PICALM: variants seen among roughly 807,000 people sequenced by gnomAD.
PICALM encodes the protein phosphatidylinositol-binding clathrin assembly protein.
PICALM carries 40 observed loss-of-function variants against 80.5 expected under a neutral mutation model. The ratio of observed to expected loss-of-function variants is 0.50; its 90% CI spans 0.39 to 0.65. The LOEUF is 0.65. PICALM is among the 30% of genes least tolerant of loss of function. The pLI is 0.00. For synonymous variants in PICALM, 288 were observed against 260.3 expected (o/e 1.11, Z -1.02); for missense variants, 676 against 778.9 (o/e 0.87, Z 1.57).
intron 2 of PICALM, among the ~76,000 whole-genome samples, chr11:86,027,804 A>G (rs548876086): frequency 6.6e-6 from 1 of 152,320 alleles, no homozygotes; most frequent in African/African-American, 2.4e-5. Context: ...TATAGGTATG[A>G]GAAACTGCGC....
chr11:86,056,897 T>C (rs2096278069), intron 1 of PICALM, among the ~76,000 whole-genome samples: 1 of 152,156 alleles, frequency 6.6e-6, no homozygotes, highest in Non-Finnish European at 1.5e-5. Flanking sequence ...ACATTATAAC[T>C]GAAAGAAGCC....
chr11:85,982,280 GA>G (rs1266480949), intron 14 of PICALM: 1 of 268,830 alleles, frequency 3.7e-6, no homozygotes, highest in Non-Finnish European at 7.2e-6. Context: ...TTATAAAAGA[GA>G]AAAAAAACAA....
chr11:85,962,820 A>G (rs1171875678), intron 19 of PICALM, among the ~76,000 whole-genome samples: 2 of 152,238 alleles, frequency 1.3e-5, no homozygotes, highest in Non-Finnish European at 2.9e-5. Context: ...AGGGCTAGCT[A>G]GGCTGACTGC....
chr11:85,979,948 G>C (rs1384372547), intron 17 of PICALM, among the ~76,000 whole-genome samples: 1 of 152,044 alleles, frequency 6.6e-6, no homozygotes, highest in African/African-American at 2.4e-5. Flanking sequence ...AGCTATTCTG[G>C]GTCTACCATA....
intron 2 of PICALM, among the ~76,000 whole-genome samples, chr11:86,031,096 C>T (rs1254477213): frequency 6.6e-6 from 1 of 152,100 alleles, no homozygotes; most frequent in Non-Finnish European, 1.5e-5. Context: ...TCAGCCTGGG[C>T]AACAAAGCAA....
chr11:85,964,431 G>A (rs1006540460), intron 19 of PICALM, among the ~76,000 whole-genome samples: 1 of 152,186 alleles, frequency 6.6e-6, no homozygotes, highest in African/African-American at 2.4e-5. Flanking sequence ...AGATGGAACT[G>A]AATCTAATCC....
At chr11:86,000,817 C>A in intron 10 of PICALM, 38 bp from the exon 11 acceptor site, 1 of 1,593,732 alleles carries the variant, frequency 6.3e-7, no homozygotes, top group Non-Finnish European at 8.5e-7. Flanking sequence ...ATTCCAGAAA[C>A]CAGATTTCTT....
intron 5 of PICALM, 148 bp downstream of exon 5, chr11:86,014,722 G>C (rs1038674951): frequency 2.1e-6 from 1 of 467,936 alleles, no homozygotes; most frequent in African/African-American, 2.0e-5. Context: ...AAAGTAATTT[G>C]ACTTGAGACT....
Position 86,012,402 on chromosome 11 carries a change from A to C in PICALM, c.547-10T>G. On this transcript the variant is annotated splice_polypyrimidine_tract_variant and intron_variant, in intron 5 of 19. Transcript: ENST00000393346. ...GTTCATTGCTATTAACCTAGGGAAA[A>C]ATTGGAAAATAAAATTAGCTAATCT... is the stretch of plus-strand genomic sequence containing the variant. 1.3e-6 allele frequency: 2 copies of C among 1,486,620 alleles called. No homozygotes were observed. The highest frequency in any genetic ancestry group is 1.9e-6 in the Non-Finnish European group (2 of 1,069,020). The allele number at this position is 1,486,620 out of a possible 1,614,324, so 92.1% of individuals were successfully genotyped here. A position where few individuals can be genotyped will look rare whatever the true frequency, so the allele number is the denominator to read the frequency against.
chr11:85,974,649 T>C (rs751036213), intron 19 of PICALM, 59 bp downstream of exon 19: 4 of 1,092,024 alleles, frequency 3.7e-6, no homozygotes, highest in Non-Finnish European at 5.7e-6. Context: ...AAGGGTTTTA[T>C]AGTATCATAT....
At chr11:86,050,684 T>C (rs1302499197) in intron 1 of PICALM, among the ~76,000 whole-genome samples, 1 of 152,210 alleles carries the variant, frequency 6.6e-6, no homozygotes. Context: ...TTTAAGATTA[T>C]GTCACTGTGG....
At chr11:85,966,971 TTC>T (rs1430202167) in intron 19 of PICALM, among the ~76,000 whole-genome samples, 2 of 152,212 alleles carry the variant, frequency 1.3e-5, no homozygotes, top group Admixed American at 6.5e-5. Context: ...CTGTTTTAAT[TTC>T]TGTTTTTAAG....
At chr11:86,040,235 C>T (rs1400840682) in intron 1 of PICALM, among the ~76,000 whole-genome samples, 1 of 151,924 alleles carries the variant, frequency 6.6e-6, no homozygotes, top group Non-Finnish European at 1.5e-5. Flanking sequence ...CAAAAAAACA[C>T]AAAATATCCA....
chr11:86,025,138 A>G (rs2095629333), intron 3 of PICALM, among the ~76,000 whole-genome samples: 1 of 152,202 alleles, frequency 6.6e-6, no homozygotes, highest in African/African-American at 2.4e-5. Context: ...GTGGTGGCTC[A>G]CGCCTGTAAT....
At chr11:86,003,666 G>A (rs1271091170) in intron 8 of PICALM, 4 of 363,606 alleles carry the variant, frequency 1.1e-5, no homozygotes, top group African/African-American at 6.3e-5. Context: ...TATCAAAAAC[G>A]TTAAGAACTG....
At chr11:86,068,611 C>T (rs1565633634) in intron 1 of PICALM, 40 bp downstream of exon 1, 1 of 1,583,364 alleles carries the variant, frequency 6.3e-7, no homozygotes, top group Non-Finnish European at 8.6e-7. Context: ...GCGGGTCGCG[C>T]GGGCGCCGGG....
rs557879455 is a variant in PICALM, at chr11:85,994,470, T to A, written c.1258+2356A>T. On this transcript the variant is annotated intron_variant, in intron 12 of 19. Coordinates refer to ENST00000393346, the MANE Select transcript of PICALM (RefSeq NM_007166.4). ...TCTATGACTAGGAATGCGCATCATTTCTGTGGTGTTTAAAAGAACTAAATT... is the reference window on the plus strand; with the variant it reads ...TCTATGACTAGGAATGCGCATCATTACTGTGGTGTTTAAAAGAACTAAATT... Among the ~76,000 whole-genome samples the A allele has an allele frequency of 2.6e-5, 4 of 152,344 alleles. No individual in the cohort carries two copies. The East Asian group carries it at 7.7e-4, about 29-fold the overall frequency.
chr11:86,048,178 G>A (rs1247630191), intron 1 of PICALM, among the ~76,000 whole-genome samples: 1 of 152,188 alleles, frequency 6.6e-6, no homozygotes, highest in African/African-American at 2.4e-5. Flanking sequence ...CAGTCAAGGA[G>A]TATCTTAGTA....
chr11:85,985,330 A>G (rs1190217432), intron 13 of PICALM, among the ~76,000 whole-genome samples: 1 of 152,164 alleles, frequency 6.6e-6, no homozygotes, highest in Non-Finnish European at 1.5e-5. Flanking sequence ...ATTTATTATT[A>G]GCAAAGAACC....
Sources: gnomAD v4.1 joint callset for allele counts (sites outside exome capture counted in the v4.1 genomes callset) on GRCh38, gnomAD v4.1.1 for gene constraint, MANE v1.5 for transcripts, NCBI Gene and HGNC (gene_info 2026-07-23, HGNC 2026-07-21) for gene names.